The following ZNF559 variants were observed in gnomAD, a reference collection of about 807,000 sequenced individuals.
ZNF559 encodes putative protein product of Nbla00121.
Under a neutral mutation model 14.2 loss-of-function variants are expected in ZNF559, and 17 were observed. The ratio of observed to expected loss-of-function variants is 1.20; its 90% CI spans 0.82 to 1.80. The LOEUF (loss-of-function observed/expected upper bound fraction) is 1.80, where lower values mean the gene tolerates loss of function less well. ZNF559 is among the 40% of genes most tolerant of loss of function. The pLI is 0.00. For missense variants in ZNF559, 740 were observed against 629.7 expected (o/e 1.18, Z -1.88); for synonymous variants, 244 against 212.4 (o/e 1.15, Z -1.29).
In ZNF559 at chr19:9,338,565, T is replaced by C; in HGVS notation, c.16T>C (p.Leu6=). The C allele has an allele frequency of 1.2e-6, 2 of 1,613,838 alleles. No individual in the cohort carries two copies. The highest frequency in any genetic ancestry group is 1.7e-6 in the Non-Finnish European group (2 of 1,179,740). The change falls in exon 4 of 7, where the codon TTG becomes CTG. Residue 6 remains leucine, a synonymous_variant. Coordinates refer to ENST00000603380, the MANE Select transcript of ZNF559 (RefSeq NM_032497.3). MVAGW[L]TNYSQDSVTF... ...AGAGGAAAGGATGGTGGCTGGGTGG[T>C]TGACAAATTACTCTCAGGTAAGTAG...
chr19:9,340,582 AAAAAAAAAAG>A (rs917893097), intron 5 of ZNF559, among the ~76,000 whole-genome samples: 4 of 130,702 alleles, frequency 3.1e-5, no homozygotes, highest in African/African-American at 1.2e-4. Context: ...AAAAAAAAAA[AAAAAAAAAAG>A]AGTCTTGCTC....
At chr19:9,339,934 ATTTTTTTTT>A (rs545536064) in intron 5 of ZNF559, among the ~76,000 whole-genome samples, 85 of 86,412 alleles carry the variant, frequency 9.8e-4, no homozygotes, top group African/African-American at 1.3e-3. Flanking sequence ...ACGCCTGGCT[ATTTTTTTTT>A]TTTTTTTTTT....
At position 9,342,649 on chromosome 19, in the gene ZNF559, A is replaced by G. The variant is rs2067636132; in HGVS notation, c.1198A>G (p.Met400Val). Reference sequence around the variant, plus strand: ...TAATTCCTCTTCCTTTAAAAGTCACATGCAGACTCATCCTGGTGTAAAACC... The same window carrying G: ...TAATTCCTCTTCCTTTAAAAGTCACGTGCAGACTCATCCTGGTGTAAAACC... ...FINSSSFKSH[M>V]QTHPGVKPYD... The change falls in exon 7 of 7, where the codon ATG becomes GTG. Residue 400 changes from methionine to valine, a missense_variant. Met to Val is a conservative substitution (Grantham distance 21, BLOSUM62 1). Coordinates refer to ENST00000603380, the MANE Select transcript of ZNF559 (RefSeq NM_032497.3). 2 of 1,614,162 alleles carry G rather than the reference A, an allele frequency of 1.2e-6. No homozygotes were observed.
chr19:9,334,634 A>G (rs995712355), intron 2 of ZNF559, among the ~76,000 whole-genome samples: 1 of 152,242 alleles, frequency 6.6e-6, no homozygotes, highest in Non-Finnish European at 1.5e-5. Context: ...GTAGAAATTA[A>G]TGATGCATTA....
chr19:9,326,431 T>C (rs2066610516), intron 2 of ZNF559, among the ~76,000 whole-genome samples: 1 of 152,206 alleles, frequency 6.6e-6, no homozygotes, highest in African/African-American at 2.4e-5. Flanking sequence ...TTTTGGCCTT[T>C]GAAGATTTCA....
Position 9,343,534 on chromosome 19 carries a change from C to G in ZNF559, c.*466C>G. 1 of 992,912 alleles carries G rather than the reference C, an allele frequency of 1.0e-6. No individual in the cohort carries two copies. The highest frequency in any genetic ancestry group is 4.5e-5 in the South Asian group (1 of 22,374). The allele number at this position is 992,912 out of a possible 1,614,324, so 61.5% of individuals were successfully genotyped here. On this transcript the variant is annotated 3_prime_UTR_variant, in exon 7 of 7. Coordinates refer to ENST00000603380, the MANE Select transcript of ZNF559 (RefSeq NM_032497.3). ...ACCTTAATATTCAGCTGTGATCTCA[C>G]AAGTGTGAAAAATCTTATGAATGTA... is the stretch of plus-strand genomic sequence containing the variant.
In ZNF559 at chr19:9,338,479, TTTCTTC is replaced by T. The variant is rs750095375; in HGVS notation, c.-56-9_-56-4del. ...CAGCAGCCTGGATTCTCAGATTTTA[TTTCTTC>T]TTCTTAAGATCATCTTTCTCAAGAT... is the stretch of plus-strand genomic sequence containing the variant. On this transcript the variant is annotated splice_polypyrimidine_tract_variant and intron_variant, in intron 3 of 6. Transcript: ENST00000603380. The T allele has an allele frequency of 8.7e-6, 14 of 1,605,086 alleles. No homozygotes were observed. The highest frequency in any genetic ancestry group is 1.1e-5 in the Non-Finnish European group (13 of 1,172,940).
intron 1 of ZNF559, chr19:9,324,462 G>T (rs2066454403): frequency 1.4e-6 from 2 of 1,426,726 alleles, no homozygotes; most frequent in Non-Finnish European, 1.8e-6. Flanking sequence ...AGGAGGCGGG[G>T]GGCACGGCCT....
At chr19:9,336,767 C>A (rs112463805) in intron 2 of ZNF559, among the ~76,000 whole-genome samples, 3,211 of 152,140 alleles carry the variant, frequency 0.021, 110 homozygotes, top group African/African-American at 0.073. Context: ...TGAATGAAAG[C>A]GTAAGCCAGA....
rs371777896 is a variant in ZNF559, at chr19:9,336,821, C to T, written c.-119-975C>T. 1.1e-3 allele frequency among the ~76,000 whole-genome samples: 172 copies of T among 152,274 alleles called. 4 individuals are homozygous for T. In the South Asian group the frequency reaches 0.035, roughly 31 times the overall value. The stretch of plus-strand genomic sequence containing the variant: ...AGCCACCTGGCCTACATGATTTTTA[C>T]AGCTGGAGGAGCTAAAGATGTCTAA... On this transcript the variant is annotated intron_variant, in intron 2 of 6. Coordinates refer to ENST00000603380, the MANE Select transcript of ZNF559 (RefSeq NM_032497.3).
In ZNF559 at chr19:9,342,961, C is replaced by T. The variant is rs570361973; in HGVS notation, c.1510C>T (p.Arg504Trp). The T allele has an allele frequency of 1.8e-5, 29 of 1,614,038 alleles. No individual in the cohort carries two copies. The highest frequency in any genetic ancestry group is 3.3e-4 in the Middle Eastern group (2 of 6,084). ...ECQECGKAFT[R>W]STYLIRHLRS... The stretch of plus-strand genomic sequence containing the variant: ...TCAGGAATGTGGGAAAGCCTTTACT[C>T]GGTCCACATATCTTATTCGACATCT... The change falls in exon 7 of 7, where the codon CGG (arginine) becomes TGG (tryptophan). Residue 504 changes from arginine to tryptophan, a missense_variant. Arg to Trp is a moderately radical substitution (Grantham distance 101, BLOSUM62 -3). Coordinates refer to ENST00000603380, the MANE Select transcript of ZNF559 (RefSeq NM_032497.3).
upstream of ZNF559, chr19:9,323,894 G>A (rs781408471): frequency 1.2e-3 from 613 of 527,900 alleles, 2 homozygotes; most frequent in Non-Finnish European, 1.7e-3. Context: ...TGTGGAGTAT[G>A]CTTTCGTTTT....
intron 2 of ZNF559, among the ~76,000 whole-genome samples, chr19:9,327,235 TG>T (rs1201572088): frequency 9.8e-6 from 1 of 101,742 alleles, no homozygotes; most frequent in Non-Finnish European, 2.3e-5. Context: ...GGTTTTGTTT[TG>T]TTTTGTTTTT....
chr19:9,342,910 C>CA lies in ZNF559; in HGVS notation c.1460dup (p.His487GlnfsTer4), dbSNP rs1491086179. 5 of 1,614,074 alleles carry CA rather than the reference C, an allele frequency of 3.1e-6. No individual in the cohort carries two copies. In the African/African-American group the frequency reaches 5.3e-5, roughly 17 times the overall value. ...AGGCCTTACAGTACACATGAGAACTCACACTGGTGAACGGCCCTTTGAATG... is the reference window on the plus strand; with the variant it reads ...AGGCCTTACAGTACACATGAGAACTCAACACTGGTGAACGGCCCTTTGAATG... On this transcript the variant is annotated frameshift_variant, in exon 7 of 7. Transcript: ENST00000603380. LOFTEE classifies it low-confidence loss of function (END_TRUNC).
chr19:9,324,460 G>C (rs1403507233), intron 1 of ZNF559: 2 of 1,427,292 alleles, frequency 1.4e-6, no homozygotes, highest in Admixed American at 2.8e-5. Flanking sequence ...GGAGGAGGCG[G>C]GGGGCACGGC....
At chr19:9,334,990 G>A (rs1246950387) in intron 2 of ZNF559, among the ~76,000 whole-genome samples, 1 of 152,046 alleles carries the variant, frequency 6.6e-6, no homozygotes, top group African/African-American at 2.4e-5. Context: ...AAACAAATTA[G>A]CCAGGCATGG....
In ZNF559 at chr19:9,343,515, ATAT is replaced by A. The variant is rs1290958878; in HGVS notation, c.*449_*451del. The A allele has an allele frequency of 1.0e-6, 1 of 1,001,638 alleles. No individual in the cohort carries two copies. The highest frequency in any genetic ancestry group is 1.0e-4 in the East Asian group (1 of 10,050). The allele number at this position is 1,001,638 out of a possible 1,614,324, so 62.0% of individuals were successfully genotyped here. On this transcript the variant is annotated 3_prime_UTR_variant, in exon 7 of 7. Transcript: ENST00000603380. ...ACCTTTCACTCTGCCTTATACCTTA[ATAT>A]TCAGCTGTGATCTCACAAGTGTGAA...
Position 9,342,248 on chromosome 19 carries a change from T to C in ZNF559, c.797T>C (p.Val266Ala). The C allele has an allele frequency of 6.3e-7, 1 of 1,585,986 alleles. No homozygotes were observed. The highest frequency in any genetic ancestry group is 1.7e-4 in the Middle Eastern group (1 of 5,890). Reference protein sequence around the residue: ...LTQHLRTHSRVLPIEHKKFGK... With the variant: ...LTQHLRTHSRALPIEHKKFGK... ...CAACATTTAAGAACTCATAGTAGAG[T>C]GTTACCTATAGAACATAAGAAATTT... The change falls in exon 7 of 7, where the codon GTG (valine) becomes GCG (alanine). Residue 266 changes from valine (V) to alanine (A), a missense_variant. Val to Ala is a moderately conservative substitution (Grantham distance 64). Coordinates refer to ENST00000603380, the MANE Select transcript of ZNF559 (RefSeq NM_032497.3).
chr19:9,337,426 T>C (rs2067300139), intron 2 of ZNF559, among the ~76,000 whole-genome samples: 1 of 152,200 alleles, frequency 6.6e-6, no homozygotes, highest in South Asian at 2.1e-4. Context: ...GACAGATCTT[T>C]CTCAAGAGAG....
Sources: gnomAD v4.1 joint callset for allele counts (sites outside exome capture counted in the v4.1 genomes callset) on GRCh38, gnomAD v4.1.1 for gene constraint, MANE v1.5 for transcripts, NCBI Gene and HGNC (gene_info 2026-07-23, HGNC 2026-07-21) for gene names.